The following AP3S1 variants were observed in gnomAD, a reference collection of about 807,000 sequenced individuals.
The protein encoded by AP3S1 is AP-3 complex subunit sigma-1.
Under a neutral mutation model 21.3 loss-of-function variants are expected in AP3S1, and 12 were observed. The observed-to-expected ratio is 0.56, with a 90% CI of 0.36 to 0.91. AP3S1 has a LOEUF of 0.91. AP3S1 is among the 40% of genes least tolerant of loss of function. AP3S1 has a pLI of 0.01. For missense variants in AP3S1, 116 were observed against 225.0 expected (o/e 0.52, Z 3.10); for synonymous variants, 48 against 78.4 (o/e 0.61, Z 2.05).
chr5:115,865,531 C>T (rs1477088500), intron 1 of AP3S1, among the ~76,000 whole-genome samples: 1 of 152,084 alleles, frequency 6.6e-6, no homozygotes, highest in African/African-American at 2.4e-5. Context: ...AAAACTGTTT[C>T]CCCAAGTGAT....
chr5:115,893,386 C>T (rs1205909366), intron 3 of AP3S1, among the ~76,000 whole-genome samples: 2 of 152,140 alleles, frequency 1.3e-5, no homozygotes, highest in Admixed American at 6.5e-5. Context: ...TTCATGAAGT[C>T]GTACCCCAGC....
chr5:115,895,063 A>G, intron 3 of AP3S1, 24 bp from the exon 4 acceptor site: 1 of 1,535,550 alleles, frequency 6.5e-7, no homozygotes, highest in East Asian at 2.3e-5. Flanking sequence ...AACAGTTCTT[A>G]AAACCTTTTT....
chr5:115,890,799 T>G (rs1750230992), intron 3 of AP3S1, among the ~76,000 whole-genome samples: 1 of 152,124 alleles, frequency 6.6e-6, no homozygotes, highest in Non-Finnish European at 1.5e-5. Flanking sequence ...CTTGAGTTGT[T>G]TCCGGAGCTC....
At chr5:115,851,591 G>A (rs1383938664) in intron 1 of AP3S1, among the ~76,000 whole-genome samples, 1 of 152,050 alleles carries the variant, frequency 6.6e-6, no homozygotes, top group Non-Finnish European at 1.5e-5. Flanking sequence ...GTCTGTTTGT[G>A]TGTTTATTGA....
At chr5:115,844,405 C>G (rs1348912146) in intron 1 of AP3S1, among the ~76,000 whole-genome samples, 2 of 151,998 alleles carry the variant, frequency 1.3e-5, no homozygotes, top group African/African-American at 4.8e-5. Flanking sequence ...GAGAGGATGA[C>G]AGTTTAAAAT....
At chr5:115,859,122 T>G (rs1762992020) in intron 1 of AP3S1, among the ~76,000 whole-genome samples, 1 of 152,114 alleles carries the variant, frequency 6.6e-6, no homozygotes, top group Non-Finnish European at 1.5e-5. Flanking sequence ...GAAAGCTGAT[T>G]GGAAGCTCTC....
intron 4 of AP3S1, among the ~76,000 whole-genome samples, chr5:115,896,939 G>T (rs890079754): frequency 2.0e-5 from 3 of 151,300 alleles, no homozygotes; most frequent in Admixed American, 6.6e-5. Context: ...TAAGAGTAAG[G>T]TTCTTATATT....
At chr5:115,901,955 TG>T (rs1751252887) in intron 4 of AP3S1, among the ~76,000 whole-genome samples, 1 of 152,226 alleles carries the variant, frequency 6.6e-6, no homozygotes, top group South Asian at 2.1e-4. Context: ...TAATACCTAG[TG>T]GTTCTATGCT....
At chr5:115,873,684 T>C (rs765372052) in intron 3 of AP3S1, among the ~76,000 whole-genome samples, 1 of 152,166 alleles carries the variant, frequency 6.6e-6, no homozygotes, top group Non-Finnish European at 1.5e-5. Flanking sequence ...CATAGCTTAT[T>C]ATTTCTGCTT....
At chr5:115,911,816 C>G (rs946509169) in intron 5 of AP3S1, among the ~76,000 whole-genome samples, 26 of 151,882 alleles carry the variant, frequency 1.7e-4, no homozygotes, top group African/African-American at 6.0e-4. Flanking sequence ...ACAAAAACTT[C>G]ATTGCTTCAG....
intron 5 of AP3S1, 117 bp from the exon 6 acceptor site, chr5:115,913,245 G>A: frequency 1.9e-6 from 2 of 1,025,656 alleles, no homozygotes; most frequent in South Asian, 2.4e-5. Flanking sequence ...ACTACCATCT[G>A]GTCCCTAAGC....
At chr5:115,861,696 A>C (rs973782297) in intron 1 of AP3S1, among the ~76,000 whole-genome samples, 1 of 151,910 alleles carries the variant, frequency 6.6e-6, no homozygotes, top group Non-Finnish European at 1.5e-5. Flanking sequence ...CTGGGACTAC[A>C]GACATGCACT....
At chr5:115,876,926 G>C (rs1284750186) in intron 3 of AP3S1, among the ~76,000 whole-genome samples, 1 of 152,096 alleles carries the variant, frequency 6.6e-6, no homozygotes, top group African/African-American at 2.4e-5. Context: ...ATGATCACTT[G>C]GTTAAGTTTG....
intron 5 of AP3S1, among the ~76,000 whole-genome samples, chr5:115,908,827 C>T (rs1751867311): frequency 6.6e-6 from 1 of 152,032 alleles, no homozygotes; most frequent in East Asian, 1.9e-4. Context: ...AGTTATTCTA[C>T]CTCGTGTTGA....
chr5:115,860,086 C>A (rs964926781), intron 1 of AP3S1, among the ~76,000 whole-genome samples: 1 of 152,136 alleles, frequency 6.6e-6, no homozygotes, highest in Admixed American at 6.5e-5. Context: ...AATCTATGTT[C>A]TTGTCTTTTC....
chr5:115,851,063 G>A (rs1762406008), intron 1 of AP3S1, among the ~76,000 whole-genome samples: 1 of 152,200 alleles, frequency 6.6e-6, no homozygotes. Flanking sequence ...ACTTGTGGCA[G>A]TATAAAGCAG....
intron 1 of AP3S1, among the ~76,000 whole-genome samples, chr5:115,846,193 G>A (rs1003434207): frequency 3.6e-4 from 55 of 152,150 alleles, no homozygotes; most frequent in African/African-American, 1.3e-3. Flanking sequence ...TTTTTTTATA[G>A]AGAAAAGGTC....
At chr5:115,907,115 A>T (rs1751715621) in intron 5 of AP3S1, 2 of 620,146 alleles carry the variant, frequency 3.2e-6, no homozygotes, top group South Asian at 7.2e-5. Context: ...GAAAGTTTAA[A>T]TTTTTTTTAA....
chr5:115,848,335 T>G (rs1040856604), intron 1 of AP3S1, among the ~76,000 whole-genome samples: 2 of 152,200 alleles, frequency 1.3e-5, no homozygotes, highest in Non-Finnish European at 2.9e-5. Context: ...GATATACCTT[T>G]TAGACATTAA....
Sources: allele counts gnomAD v4.1 joint callset (sites outside exome capture counted in the v4.1 genomes callset), GRCh38; gene constraint gnomAD v4.1.1; transcripts MANE v1.5; gene names NCBI Gene and HGNC (gene_info 2026-07-23, HGNC 2026-07-21).